The following PJA2 variants were observed in gnomAD, a reference collection of about 807,000 sequenced individuals.
PJA2 encodes the protein praja ring finger ubiquitin ligase 2.
Under a neutral mutation model 69.3 loss-of-function variants are expected in PJA2, and 25 were observed. The ratio of observed to expected loss-of-function variants is 0.36; its 90% confidence interval spans 0.26 to 0.50. The LOEUF (loss-of-function observed/expected upper bound fraction) is 0.50. Ranked by LOEUF, PJA2 falls within the 20% of genes least tolerant of loss-of-function variation. The probability of loss-of-function intolerance (pLI) is 0.96; values close to 1 mark genes in which losing one functional copy is unlikely to be tolerated. For synonymous variants in PJA2, 308 were observed against 277.8 expected (o/e 1.11, Z -1.08); for missense variants, 809 against 830.2 (o/e 0.97, Z 0.31).
intron 7 of PJA2, among the ~76,000 whole-genome samples, chr5:109,353,280 T>C (rs1004801766): frequency 7.1e-6 from 1 of 141,506 alleles, no homozygotes; most frequent in Non-Finnish European, 1.5e-5. Context: ...TATAATATCA[T>C]AGACATCTAT....
At position 109,343,153 on chromosome 5, in the gene PJA2, T is replaced by A. The variant is rs566053641; in HGVS notation, c.2001+1037A>T. Among the ~76,000 whole-genome samples the A allele has an allele frequency of 9.1e-3, 1,096 of 120,406 alleles. 9 individuals carry two copies. The highest frequency in any genetic ancestry group is 0.036 in the African/African-American group (1,053 of 29,510). 79.0% of individuals were successfully genotyped at this position (120,406 alleles called of 152,430 possible). A position where few individuals can be genotyped will look rare whatever the true frequency, so the allele number is the denominator to read the frequency against. On this transcript the variant is annotated intron_variant, in intron 9 of 9. Coordinates refer to ENST00000361189, the MANE Select transcript of PJA2 (RefSeq NM_014819.5). ...AGACATGGGAGACTTTTCATTTTGTTCTGCACTAAGAAAAATTCCTCTCTC... is the reference window on the plus strand; with the variant it reads ...AGACATGGGAGACTTTTCATTTTGTACTGCACTAAGAAAAATTCCTCTCTC...
At chr5:109,337,386 C>G (rs758616986) in intron 9 of PJA2, 30 bp from the exon 10 acceptor site, 3 of 1,556,822 alleles carry the variant, frequency 1.9e-6, no homozygotes, top group African/African-American at 1.4e-5. Flanking sequence ...TAAGAGCCAC[C>G]AGAATCATCT....
At chr5:109,361,930 C>T (rs1358093265) in intron 6 of PJA2, among the ~76,000 whole-genome samples, 1 of 152,112 alleles carries the variant, frequency 6.6e-6, no homozygotes, top group Non-Finnish European at 1.5e-5. Context: ...AGCTAGCACA[C>T]ACAGAAAGAG....
intron 1 of PJA2, among the ~76,000 whole-genome samples, chr5:109,404,967 G>A (rs1389765105): frequency 6.6e-6 from 1 of 152,142 alleles, no homozygotes; most frequent in Non-Finnish European, 1.5e-5. Flanking sequence ...AGAAAAGGTG[G>A]AAGGAGTTAC....
chr5:109,406,445 G>A (rs1317287923), intron 1 of PJA2, among the ~76,000 whole-genome samples: 1 of 152,138 alleles, frequency 6.6e-6, no homozygotes, highest in Non-Finnish European at 1.5e-5. Flanking sequence ...TAGTCATCTG[G>A]TAAATGCAAA....
chr5:109,381,767 G>C, intron 2 of PJA2, 64 bp from the exon 3 acceptor site: 7 of 1,358,992 alleles, frequency 5.2e-6, no homozygotes, highest in Non-Finnish European at 7.2e-6. Flanking sequence ...CAACCTGTTG[G>C]GGAAAACTAC....
intron 9 of PJA2, among the ~76,000 whole-genome samples, chr5:109,341,432 C>T (rs1762055103): frequency 7.3e-6 from 1 of 137,778 alleles, no homozygotes; most frequent in Non-Finnish European, 1.6e-5. Flanking sequence ...AGTGAGGAGC[C>T]CCTCCGCCCG....
intron 4 of PJA2, among the ~76,000 whole-genome samples, chr5:109,376,642 A>C (rs141748578): frequency 6.4e-4 from 97 of 152,294 alleles, no homozygotes; most frequent in African/African-American, 1.9e-3. Context: ...GGGGAAAAAA[A>C]ATACAAGCAC....
chr5:109,409,010 T>C (rs1356982067), intron 1 of PJA2: 1 of 152,190 alleles, frequency 6.6e-6, no homozygotes, highest in Non-Finnish European at 1.5e-5. Flanking sequence ...AAATTTTTTT[T>C]TTTTTAATGT....
chr5:109,395,886 G>A (rs888620032), intron 1 of PJA2, among the ~76,000 whole-genome samples: 2 of 151,886 alleles, frequency 1.3e-5, no homozygotes, highest in Admixed American at 6.6e-5. Flanking sequence ...TGTAATCCCA[G>A]CTACTCGGGA....
In PJA2 at chr5:109,371,225, C is replaced by A. The variant is rs186734829; in HGVS notation, c.1284-2479G>T. On this transcript the variant is annotated intron_variant, in intron 4 of 9. Coordinates refer to ENST00000361189, the MANE Select transcript of PJA2 (RefSeq NM_014819.5). ...CTAACCCTCAATGCTAAGGAGACAA[C>A]TTTTAAATGCATATCCCCAGCCAGC... 1.2e-3 allele frequency among the ~76,000 whole-genome samples: 190 copies of A among 152,284 alleles called. 1 individual carries two copies. The highest frequency in any genetic ancestry group is 4.5e-3 in the African/African-American group (188 of 41,560).
chr5:109,357,046 A>C (rs1762424726), intron 6 of PJA2, among the ~76,000 whole-genome samples: 1 of 152,124 alleles, frequency 6.6e-6, no homozygotes, highest in African/African-American at 2.4e-5. Flanking sequence ...GAAATTATTA[A>C]TATATTCAAG....
At chr5:109,386,596 T>G (rs904205745) in intron 1 of PJA2, among the ~76,000 whole-genome samples, 1 of 152,186 alleles carries the variant, frequency 6.6e-6, no homozygotes, top group Non-Finnish European at 1.5e-5. Context: ...ATCTTTTGAT[T>G]GTACTACCCG....
In PJA2 at chr5:109,381,483, A is replaced by T. The variant is rs1181952444; in HGVS notation, c.232+20T>A. 6.2e-7 allele frequency: 1 copy of T among 1,601,786 alleles called. No homozygotes were observed. Among genetic ancestry groups the T allele is most frequent in the Non-Finnish European group, 8.5e-7 (1 of 1,172,318 alleles). On this transcript the variant is annotated intron_variant, in intron 3 of 9. Transcript: ENST00000361189. Reference sequence around the variant, plus strand: ...CCTATATAACTATTAATAACCTTTAAATAATTAAATGTTACACACCTGAGG... The same window carrying T: ...CCTATATAACTATTAATAACCTTTATATAATTAAATGTTACACACCTGAGG...
rs528408590 is a variant in PJA2, at chr5:109,372,905, CAAAAAA to C, written c.1284-4165_1284-4160del. ...TGGCAACTAGAGCAACACTCCGTCT[CAAAAAA>C]AAAAAAAAAAAAAAAGAAAGAAAGA... On this transcript the variant is annotated intron_variant, in intron 4 of 9. Transcript: ENST00000361189. Among the ~76,000 whole-genome samples, 30 of 35,706 alleles carry C rather than the reference CAAAAAA, an allele frequency of 8.4e-4. No homozygotes were observed. The East Asian group carries it at 0.012, about 15-fold the overall frequency. The allele number at this position is 35,706 out of a possible 152,430, so 23.4% of individuals were successfully genotyped here.
chr5:109,391,181 A>G lies in PJA2; in HGVS notation c.-87-7661T>C, dbSNP rs573144907. On this transcript the variant is annotated intron_variant, in intron 1 of 9. Transcript: ENST00000361189. ...TCCCCAAAAAATGAAAGAAACTCAC[A>G]TAACAGTTTAACTCCTCCATGTCCA... Among the ~76,000 whole-genome samples, 25 of 152,326 alleles carry G rather than the reference A, an allele frequency of 1.6e-4. 1 individual carries two copies. In the South Asian group the frequency reaches 2.3e-3, roughly 14 times the overall value.
rs375184857 is a variant in PJA2 at position 109,338,701 on chromosome 5, G to C, written c.2002-1345C>G. Among the ~76,000 whole-genome samples, 16 of 147,250 alleles carry C rather than the reference G, an allele frequency of 1.1e-4. No homozygotes were observed. In the South Asian group the frequency reaches 3.4e-3, roughly 31 times the overall value. On this transcript the variant is annotated intron_variant, in intron 9 of 9. Transcript: ENST00000361189. ...ACATTTATTGTGTACTTGCCATACAGATTGGGCCCCAACAATAACATTTTA... is the reference window on the plus strand; with the variant it reads ...ACATTTATTGTGTACTTGCCATACACATTGGGCCCCAACAATAACATTTTA...
chr5:109,352,529 G>T (rs552100051), intron 7 of PJA2, among the ~76,000 whole-genome samples: 2 of 152,146 alleles, frequency 1.3e-5, no homozygotes, highest in African/African-American at 4.8e-5. Context: ...TGCCAAGGCA[G>T]GTTAAATAAT....
At chr5:109,391,523 C>A (rs1468212067) in intron 1 of PJA2, among the ~76,000 whole-genome samples, 2 of 151,234 alleles carry the variant, frequency 1.3e-5, no homozygotes, top group South Asian at 2.1e-4. Flanking sequence ...TAAAGATGTA[C>A]CCCTATTGTT....
Sources: gnomAD v4.1 joint callset for allele counts (sites outside exome capture counted in the v4.1 genomes callset) on GRCh38, gnomAD v4.1.1 for gene constraint, MANE v1.5 for transcripts, NCBI Gene and HGNC (gene_info 2026-07-23, HGNC 2026-07-21) for gene names.